The following ERGIC1 variants were observed in gnomAD, a reference collection of about 807,000 sequenced individuals.
The protein encoded by ERGIC1 is endoplasmic reticulum-golgi intermediate compartment 1.
In ERGIC1, 19 loss-of-function variants were observed where a neutral mutation model predicts 38.3. That is an observed-to-expected ratio of 0.50 (90% confidence interval 0.35 to 0.73). The LOEUF is 0.73. ERGIC1 is among the 30% of genes least tolerant of loss of function. The pLI is 0.01. For missense variants in ERGIC1, 294 were observed against 389.2 expected (o/e 0.76, Z 2.06); for synonymous variants, 124 against 157.6 (o/e 0.79, Z 1.60).
chr5:172,909,230 C>A (rs965495441), intron 3 of ERGIC1, among the ~76,000 whole-genome samples: 4 of 128,970 alleles, frequency 3.1e-5, no homozygotes, highest in African/African-American at 1.2e-4. Context: ...AGTGCAGTGG[C>A]GCAATCTCGG....
intron 4 of ERGIC1, 140 bp from the exon 5 acceptor site, chr5:172,914,574 C>A: frequency 7.1e-7 from 1 of 1,400,010 alleles, no homozygotes; most frequent in African/African-American, 1.4e-5. Flanking sequence ...GTCTTTGGAC[C>A]CCAGACCATG....
chr5:172,836,091 C>T (rs999885571), intron 1 of ERGIC1, among the ~76,000 whole-genome samples: 2 of 152,206 alleles, frequency 1.3e-5, no homozygotes, highest in Non-Finnish European at 2.9e-5. Context: ...AATCCTTTCT[C>T]CCTGCACCTC....
At chr5:172,867,174 C>T (rs1352418401) in intron 1 of ERGIC1, 1 of 455,614 alleles carries the variant, frequency 2.2e-6, no homozygotes, top group Admixed American at 2.4e-5. Context: ...GCAATGCCAC[C>T]TTGGGTGACC....
chr5:172,934,982 G>C, intron 8 of ERGIC1: 1 of 624,174 alleles, frequency 1.6e-6, no homozygotes, highest in Non-Finnish European at 2.8e-6. Flanking sequence ...AACAACCAAG[G>C]GTATCAAAAA....
intron 3 of ERGIC1, chr5:172,906,040 G>A (rs1233520277): frequency 2.2e-6 from 1 of 456,174 alleles, no homozygotes; most frequent in South Asian, 1.5e-5. Flanking sequence ...GCTAGGGTTA[G>A]GAATTCTTAT....
In ERGIC1 at chr5:172,893,935, G is replaced by GTGTGTGTA. The variant is rs1429850022; in HGVS notation, c.83-3066_83-3065insGTGTGTAT. Among the ~76,000 whole-genome samples the GTGTGTGTA allele has an allele frequency of 8.6e-4, 37 of 42,800 alleles. 1 individual carries two copies. Among genetic ancestry groups the GTGTGTGTA allele is most frequent in the East Asian group, 4.9e-3 (5 of 1,012 alleles). 28.1% of individuals were successfully genotyped at this position (42,800 alleles called of 152,430 possible). A position where few individuals can be genotyped will look rare whatever the true frequency, so the allele number is the denominator to read the frequency against. On this transcript the variant is annotated intron_variant, in intron 2 of 9. Transcript: ENST00000393784. Reference sequence around the variant, plus strand: ...TGTGTGTGTGTGTGTGTGTGTGTGTGTATATATATATATATATATTTAAAT... The same window carrying GTGTGTGTA: ...TGTGTGTGTGTGTGTGTGTGTGTGTGTGTGTGTATATATATATATATATATATTTAAAT...
At chr5:172,880,284 G>T (rs921683867) in intron 1 of ERGIC1, among the ~76,000 whole-genome samples, 1 of 151,826 alleles carries the variant, frequency 6.6e-6, no homozygotes, top group Non-Finnish European at 1.5e-5. Context: ...TGATCTGCCC[G>T]CTCTGGGGCT....
intron 4 of ERGIC1, among the ~76,000 whole-genome samples, chr5:172,914,239 A>AT (rs1763284567): frequency 1.3e-5 from 1 of 75,394 alleles, no homozygotes; most frequent in African/African-American, 4.6e-5. Flanking sequence ...TGTCTCAAAA[A>AT]AAAAAAAAAA....
chr5:172,904,062 C>T (rs2113348525), intron 3 of ERGIC1, among the ~76,000 whole-genome samples: 1 of 152,342 alleles, frequency 6.6e-6, no homozygotes, highest in South Asian at 2.1e-4. Flanking sequence ...ACCTGGCAGT[C>T]ATCCAGCAGC....
chr5:172,908,318 GA>G (rs1561729640), intron 3 of ERGIC1, among the ~76,000 whole-genome samples: 3 of 7,332 alleles, frequency 4.1e-4, no homozygotes, highest in Non-Finnish European at 6.4e-4. Context: ...GGGGGGGGGG[GA>G]GAGAGGGGAG....
At chr5:172,850,521 G>A (rs915810608) in intron 1 of ERGIC1, among the ~76,000 whole-genome samples, 7 of 151,880 alleles carry the variant, frequency 4.6e-5, no homozygotes, top group African/African-American at 1.5e-4. Context: ...CGTGTAGTGC[G>A]GAGAGGCCTA....
Position 172,914,747 on chromosome 5 carries a change from G to A in ERGIC1, c.284G>A (p.Arg95Lys), listed in dbSNP as rs771985590. The part of the protein sequence containing the change: ...VGLDIQDEMG[R>K]HEVGHIDNSM... ...CTTGACATTCAGGATGAGATGGGCA[G>A]GCACGAAGTGGGCCACATCGACAAC... The change falls in exon 5 of 10, where the codon AGG becomes AAG. Residue 95 changes from arginine (R) to lysine (K), a missense_variant. Physicochemically the swap from Arg to Lys is conservative, Grantham distance 26. Around this residue, in one of 3 missense-constraint regions of ERGIC1, gnomAD observed 163 missense variants for 225.8 expected, o/e 0.72. Transcript: ENST00000393784. 6.2e-7 allele frequency: 1 copy of A among 1,614,158 alleles called. No individual in the cohort carries two copies. The highest frequency in any genetic ancestry group is 1.1e-5 in the South Asian group (1 of 91,080).
rs1316948241 is a variant in ERGIC1 at position 172,931,460 on chromosome 5, G to A, written c.542-976G>A. 5.3e-5 allele frequency among the ~76,000 whole-genome samples: 8 copies of A among 152,272 alleles called. 1 individual carries two copies. The East Asian group carries it at 1.5e-3, about 29-fold the overall frequency. ...CTCTGGGGACACAGAGTTGAGTAAG[G>A]CTCCATCCCTGCCTTCAGCAGCTCC... On this transcript the variant is annotated intron_variant, in intron 7 of 9. Coordinates refer to ENST00000393784, the MANE Select transcript of ERGIC1 (RefSeq NM_001031711.3).
chr5:172,852,037 CG>C (rs1180986038), intron 1 of ERGIC1, among the ~76,000 whole-genome samples: 1 of 152,014 alleles, frequency 6.6e-6, no homozygotes, highest in Non-Finnish European at 1.5e-5. Flanking sequence ...GGGACTCTGA[CG>C]GTGATCAGGC....
chr5:172,855,413 T>G (rs962584494), intron 1 of ERGIC1, among the ~76,000 whole-genome samples: 1 of 152,182 alleles, frequency 6.6e-6, no homozygotes, highest in Non-Finnish European at 1.5e-5. Context: ...CACTCAGTCA[T>G]GTAAGAGATG....
At chr5:172,874,876 G>A (rs1475298879) in intron 1 of ERGIC1, among the ~76,000 whole-genome samples, 1 of 149,314 alleles carries the variant, frequency 6.7e-6, no homozygotes, top group Non-Finnish European at 1.5e-5. Flanking sequence ...AGTGAGCCAT[G>A]ATCGCGCCAC....
chr5:172,885,289 C>A (rs1762390011), intron 1 of ERGIC1, among the ~76,000 whole-genome samples: 1 of 115,354 alleles, frequency 8.7e-6, no homozygotes, highest in African/African-American at 3.1e-5. Flanking sequence ...ACCACCATGC[C>A]CAGCTAATTT....
chr5:172,876,183 C>T (rs1455804751), intron 1 of ERGIC1, among the ~76,000 whole-genome samples: 2 of 152,168 alleles, frequency 1.3e-5, no homozygotes, highest in Non-Finnish European at 2.9e-5. Context: ...TCACTGCATT[C>T]AGGCAGGGGC....
intron 1 of ERGIC1, among the ~76,000 whole-genome samples, chr5:172,850,769 GGTCTT>G (rs1761383145): frequency 6.6e-6 from 1 of 152,068 alleles, no homozygotes; most frequent in South Asian, 2.1e-4. Context: ...TGACACATTT[GGTCTT>G]CTAAAGCGGA....
Sources: allele counts gnomAD v4.1 joint callset (sites outside exome capture counted in the v4.1 genomes callset), GRCh38; gene constraint gnomAD v4.1.1; regional missense constraint gnomAD v4.1.1; transcripts MANE v1.5; gene names NCBI Gene and HGNC (gene_info 2026-07-23, HGNC 2026-07-21).